Variants in ARHGAP10 observed in about 807,000 individuals in gnomAD.
ARHGAP10 encodes the protein rho GTPase-activating protein 10.
In ARHGAP10, 87 loss-of-function variants were observed where a neutral mutation model predicts 108.6. That is an observed-to-expected ratio of 0.80 (90% CI 0.67 to 0.96). The LOEUF (loss-of-function observed/expected upper bound fraction) is 0.96. Among genes scored for constraint, ARHGAP10 ranks in the 40% least tolerant of loss-of-function variants. The probability of loss-of-function intolerance (pLI) is 0.00; values close to 1 mark genes in which losing one functional copy is unlikely to be tolerated. For missense variants in ARHGAP10, 939 were observed against 954.5 expected (o/e 0.98, Z 0.21); for synonymous variants, 347 against 341.1 (o/e 1.02, Z -0.19).
At chr4:148,020,539 G>GTTTTTTTTTTTTT (rs151004924) in intron 18 of ARHGAP10, among the ~76,000 whole-genome samples, 5 of 146,320 alleles carry the variant, frequency 3.4e-5, no homozygotes, top group African/African-American at 7.7e-5. Flanking sequence ...GAGAACATGC[G>GTTTTTTTTTTTTT]TTTTTTGTTT....
intron 18 of ARHGAP10, among the ~76,000 whole-genome samples, chr4:147,971,106 A>C (rs918462159): frequency 4.0e-5 from 6 of 151,768 alleles, no homozygotes; most frequent in African/African-American, 1.5e-4. Flanking sequence ...AAAAAAAAAA[A>C]AAAAAAAAAG....
intron 1 of ARHGAP10, among the ~76,000 whole-genome samples, chr4:147,812,267 G>A (rs1461593034): frequency 6.6e-6 from 1 of 152,086 alleles, no homozygotes; most frequent in Non-Finnish European, 1.5e-5. Flanking sequence ...TGAAAAATGG[G>A]GTACTTGGTT....
chr4:147,895,211 A>G (rs1457327932), intron 10 of ARHGAP10, among the ~76,000 whole-genome samples: 2 of 151,954 alleles, frequency 1.3e-5, no homozygotes, highest in Admixed American at 6.6e-5. Context: ...TTTCTGCATG[A>G]TAATTTAAAA....
At chr4:147,887,091 G>A (rs1292243989) in intron 10 of ARHGAP10, among the ~76,000 whole-genome samples, 2 of 152,116 alleles carry the variant, frequency 1.3e-5, no homozygotes, top group African/African-American at 4.8e-5. Flanking sequence ...TATACTCCCA[G>A]TTGAATATTT....
chr4:147,962,491 T>C (rs527881596), intron 16 of ARHGAP10, among the ~76,000 whole-genome samples: 3 of 152,296 alleles, frequency 2.0e-5, no homozygotes, highest in East Asian at 3.9e-4. Flanking sequence ...GTTAGTTAGG[T>C]AATTTGTTCA....
intron 10 of ARHGAP10, among the ~76,000 whole-genome samples, chr4:147,886,976 T>C (rs974981617): frequency 6.6e-6 from 1 of 152,038 alleles, no homozygotes; most frequent in Non-Finnish European, 1.5e-5. Context: ...AGTTTCACCT[T>C]GAACTCCTGA....
At chr4:148,005,049 A>T (rs1339021245) in intron 18 of ARHGAP10, among the ~76,000 whole-genome samples, 1 of 152,208 alleles carries the variant, frequency 6.6e-6, no homozygotes. Flanking sequence ...AAAGAATCTC[A>T]TGCCACTTGC....
intron 10 of ARHGAP10, among the ~76,000 whole-genome samples, chr4:147,898,830 G>T (rs1314150927): frequency 6.6e-6 from 1 of 151,664 alleles, no homozygotes; most frequent in Non-Finnish European, 1.5e-5. Flanking sequence ...GAGAGATGGG[G>T]TGGGGTGGGA....
chr4:147,766,828 ATATATATATATT>A (rs1425379756), intron 1 of ARHGAP10, among the ~76,000 whole-genome samples: 1,260 of 23,668 alleles, frequency 0.053, 12 homozygotes, highest in Middle Eastern at 0.17. Flanking sequence ...ATATATATAT[ATATATATATATT>A]TATTTATTTA....
intron 13 of ARHGAP10, among the ~76,000 whole-genome samples, chr4:147,914,562 C>G (rs1316218791): frequency 3.6e-5 from 4 of 112,644 alleles, no homozygotes; most frequent in Non-Finnish European, 7.2e-5. Flanking sequence ...GCGCTCCCCC[C>G]CCCCCCTTTT....
chr4:147,738,260 G>A (rs923478818), intron 1 of ARHGAP10, among the ~76,000 whole-genome samples: 1 of 152,152 alleles, frequency 6.6e-6, no homozygotes, highest in Non-Finnish European at 1.5e-5. Context: ...CAGTAAAATA[G>A]AAATTGTAGG....
At chr4:147,738,362 T>C (rs1281728178) in intron 1 of ARHGAP10, among the ~76,000 whole-genome samples, 1 of 151,964 alleles carries the variant, frequency 6.6e-6, no homozygotes, top group Non-Finnish European at 1.5e-5. Flanking sequence ...CCATCCTGGC[T>C]AACACGGTGA....
chr4:148,061,173 C>G (rs1037836525), intron 20 of ARHGAP10, among the ~76,000 whole-genome samples: 1 of 151,884 alleles, frequency 6.6e-6, no homozygotes, highest in Non-Finnish European at 1.5e-5. Flanking sequence ...TTTTCAAGGG[C>G]CACATAAGTG....
intron 1 of ARHGAP10, among the ~76,000 whole-genome samples, chr4:147,817,118 G>A (rs1732281972): frequency 6.6e-6 from 1 of 152,194 alleles, no homozygotes; most frequent in African/African-American, 2.4e-5. Flanking sequence ...CAGATTTAAT[G>A]AGTGACAAGA....
intron 15 of ARHGAP10, 31 bp from the exon 16 acceptor site, chr4:147,955,285 T>C: frequency 1.9e-6 from 3 of 1,575,210 alleles, no homozygotes; most frequent in Non-Finnish European, 2.6e-6. Flanking sequence ...TTGGATTTAT[T>C]TGATAATTCT....
In ARHGAP10 at chr4:147,798,724, ACTCTCTCTCTCTCTCTCTCT is replaced by A. The variant is rs1178256407; in HGVS notation, c.155-23964_155-23945del. Among the ~76,000 whole-genome samples, 472 of 85,730 alleles carry A rather than the reference ACTCTCTCTCTCTCTCTCTCT, an allele frequency of 5.5e-3. 3 individuals are homozygous for A. The highest frequency in any genetic ancestry group is 8.4e-3 in the South Asian group (19 of 2,260). The allele number at this position is 85,730 out of a possible 152,430, so 56.2% of individuals were successfully genotyped here. A position where few individuals can be genotyped will look rare whatever the true frequency, so the allele number is the denominator to read the frequency against. ...TTACGTGAGGTCAGGAGTTTGAGACACTCTCTCTCTCTCTCTCTCTCTCTCTCTCTCTCTCTCTCTCTCTC... is the reference window on the plus strand; with the variant it reads ...TTACGTGAGGTCAGGAGTTTGAGACACTCTCTCTCTCTCTCTCTCTCTCTC... On this transcript the variant is annotated intron_variant, in intron 1 of 22. Coordinates refer to ENST00000336498, the MANE Select transcript of ARHGAP10 (RefSeq NM_024605.4).
In ARHGAP10 at chr4:147,808,186, G is replaced by A. The variant is rs145587355; in HGVS notation, c.155-14541G>A. The stretch of plus-strand genomic sequence containing the variant: ...CTGTGGGACCCCAGTTACAAAGGCT[G>A]TCGGAGGTGAGCCCACTGAGAGCTG... On this transcript the variant is annotated intron_variant, in intron 1 of 22. Coordinates refer to ENST00000336498, the MANE Select transcript of ARHGAP10 (RefSeq NM_024605.4). 3.5e-3 allele frequency among the ~76,000 whole-genome samples: 537 copies of A among 152,308 alleles called. 1 individual carries two copies. Among genetic ancestry groups the A allele is most frequent in the African/African-American group, 0.012 (519 of 41,570 alleles).
intron 22 of ARHGAP10, among the ~76,000 whole-genome samples, chr4:148,068,860 G>T (rs114559815): frequency 1.3e-5 from 2 of 152,116 alleles, no homozygotes; most frequent in African/African-American, 2.4e-5. Context: ...TGGTGGAAGG[G>T]ACCTGCCTCT....
intron 18 of ARHGAP10, among the ~76,000 whole-genome samples, chr4:148,017,128 G>C (rs962505767): frequency 1.3e-5 from 2 of 151,752 alleles, no homozygotes; most frequent in Admixed American, 6.6e-5. Context: ...AAATATAATT[G>C]TACAAAAAGG....
Sources: gnomAD v4.1 joint callset for allele counts (sites outside exome capture counted in the v4.1 genomes callset) on GRCh38, gnomAD v4.1.1 for gene constraint, MANE v1.5 for transcripts, NCBI Gene and HGNC (gene_info 2026-07-23, HGNC 2026-07-21) for gene names.